Variants in SYNGR3 observed in about 807,000 individuals in gnomAD.
SYNGR3 encodes the protein synaptogyrin-3.
Under a neutral mutation model 18.5 loss-of-function variants are expected in SYNGR3, and 10 were observed. The ratio of observed to expected loss-of-function variants is 0.54; its 90% confidence interval spans 0.33 to 0.92. SYNGR3 has a LOEUF of 0.92. Among genes scored for constraint, SYNGR3 ranks in the 40% least tolerant of loss-of-function variants. The pLI is 0.02. For missense variants in SYNGR3, 335 were observed against 332.8 expected (o/e 1.01, Z -0.05); for synonymous variants, 188 against 157.2 (o/e 1.20, Z -1.47).
Position 1,992,948 on chromosome 16 carries a change from C to G in SYNGR3, c.566C>G (p.Ala189Gly). The change falls in exon 4 of 4, where the codon GCG (alanine) becomes GGG (glycine). Residue 189 changes from alanine (A) to glycine (G), a missense_variant. Ala to Gly is a moderately conservative substitution (Grantham distance 60). Coordinates refer to ENST00000248121, the MANE Select transcript of SYNGR3 (RefSeq NM_004209.6). ...LFATEQLSTG[A>G]SQAYPGYPVG... Reference sequence around the variant, plus strand: ...GCCACCGAACAGCTGAGCACCGGGGCGAGCCAGGCCTACCCCGGCTATCCG... The same window carrying G: ...GCCACCGAACAGCTGAGCACCGGGGGGAGCCAGGCCTACCCCGGCTATCCG... 1 of 1,611,444 alleles carries G rather than the reference C, an allele frequency of 6.2e-7. No individual in the cohort carries two copies. The highest frequency in any genetic ancestry group is 1.1e-5 in the South Asian group (1 of 90,930).
chr16:1,991,192 G>T (rs1334168748), intron 1 of SYNGR3: 1 of 152,358 alleles, frequency 6.6e-6, no homozygotes, highest in Non-Finnish European at 1.5e-5. Flanking sequence ...TGGGCAGGAG[G>T]CATTGAGGTT....
At chr16:1,992,341 G>A (rs1202918935) in intron 2 of SYNGR3, 130 bp downstream of exon 2, 6 of 732,804 alleles carry the variant, frequency 8.2e-6, no homozygotes, top group Non-Finnish European at 1.2e-5. Flanking sequence ...GACTGAGGCA[G>A]GGAGTGTCAA....
chr16:1,993,073 C>T lies in SYNGR3; in HGVS notation c.*1C>T, dbSNP rs1161742707. 7.5e-6 allele frequency: 12 copies of T among 1,607,262 alleles called. No individual in the cohort carries two copies. The highest frequency in any genetic ancestry group is 1.0e-5 in the Non-Finnish European group (12 of 1,177,726). On this transcript the variant is annotated 3_prime_UTR_variant, in exon 4 of 4. Transcript: ENST00000248121. ...AGGGTACCAGGTGCCCGCCTACTAG[C>T]GGCTGGCAGGCACAGACCAGGGCTC... is the stretch of plus-strand genomic sequence containing the variant.
Position 1,993,300 on chromosome 16 carries a change from T to G in SYNGR3, c.*228T>G. ...CAGGACTGAGGTCCTGAGAAGGGGA[T>G]AGCACTGCCCAGGACGTGTGTCCCT... On this transcript the variant is annotated 3_prime_UTR_variant, in exon 4 of 4. Transcript: ENST00000248121. The G allele has an allele frequency of 1.6e-6, 1 of 637,962 alleles. No homozygotes were observed. The highest frequency in any genetic ancestry group is 2.8e-6 in the Non-Finnish European group (1 of 356,244). The allele number at this position is 637,962 out of a possible 1,614,324, so 39.5% of individuals were successfully genotyped here.
rs1211814179 is a variant in SYNGR3, at chr16:1,992,001, A to G, written c.127A>G (p.Ile43Val). 8 of 1,594,328 alleles carry G rather than the reference A, an allele frequency of 5.0e-6. No individual in the cohort carries two copies. Among genetic ancestry groups the G allele is most frequent in the Admixed American group, 1.7e-5 (1 of 58,318 alleles). The change falls in exon 2 of 4, where the codon ATC becomes GTC. Residue 43 changes from isoleucine (I) to valine (V), a missense_variant. Physicochemically the swap from Ile to Val is conservative, Grantham distance 29. Transcript: ENST00000248121. ...GTTCTCCATCGCCGTCTTCGGGCCC[A>G]TCGTCAACGAGGGCTACGTGAACAC... Reference protein sequence around the residue: ...WVFSIAVFGPIVNEGYVNTDS... With the variant: ...WVFSIAVFGPVVNEGYVNTDS...
At position 1,992,043 on chromosome 16, in the gene SYNGR3, C is replaced by G. The variant is rs1307564737; in HGVS notation, c.169C>G (p.Leu57Val). ...CGTGAACACCGACAGCGGCCCCGAG[C>G]TGCGCTGCGTGTTCAACGGGAACGC... is the stretch of plus-strand genomic sequence containing the variant. ...GYVNTDSGPE[L>V]RCVFNGNAGA... is the part of the protein sequence containing the mutation. The change falls in exon 2 of 4, where the codon CTG becomes GTG. Residue 57 changes from leucine to valine, a missense_variant. Leu to Val is a conservative substitution (Grantham distance 32). Transcript: ENST00000248121. 23 of 1,579,416 alleles carry G rather than the reference C, an allele frequency of 1.5e-5. No homozygotes were observed. Among genetic ancestry groups the G allele is most frequent in the Non-Finnish European group, 1.9e-5 (22 of 1,164,786 alleles).
In SYNGR3 at chr16:1,990,414, C is replaced by T. The variant is rs2083596719; in HGVS notation, c.99+213C>T. 1.3e-5 allele frequency: 6 copies of T among 450,168 alleles called. No individual in the cohort carries two copies. In the Admixed American group the frequency reaches 2.5e-4, roughly 19 times the overall value. 27.9% of individuals were successfully genotyped at this position (450,168 alleles called of 1,614,324 possible). A position where few individuals can be genotyped will look rare whatever the true frequency, so the allele number is the denominator to read the frequency against. On this transcript the variant is annotated intron_variant, in intron 1 of 3. Transcript: ENST00000248121. The stretch of plus-strand genomic sequence containing the variant: ...CTGCGGGCGGAGGAGGGGCCGGCGG[C>T]GCCGGAGAGGGACCTTGAGAGGTCA...
chr16:1,992,399 G>A (rs538632858), intron 2 of SYNGR3, 188 bp downstream of exon 2: 168 of 709,768 alleles, frequency 2.4e-4, no homozygotes, highest in African/African-American at 1.6e-3. Context: ...GACGGGGAGC[G>A]CCGCGGGACT....
chr16:1,993,449 C>T lies in SYNGR3; in HGVS notation c.*377C>T, dbSNP rs1234913491. 3.9e-6 allele frequency: 2 copies of T among 509,802 alleles called. No individual in the cohort carries two copies. The highest frequency in any genetic ancestry group is 3.1e-5 in the South Asian group (2 of 65,040). 31.6% of individuals were successfully genotyped at this position (509,802 alleles called of 1,614,324 possible). A position where few individuals can be genotyped will look rare whatever the true frequency, so the allele number is the denominator to read the frequency against. ...GGGGCTGCCCAGGACAAAGCGGGGG[C>T]AGGGGAAAGACACCACCCTCGCCCC... On this transcript the variant is annotated 3_prime_UTR_variant, in exon 4 of 4. Transcript: ENST00000248121.
In SYNGR3 at chr16:1,994,033, A is replaced by G. The variant is rs993748520; in HGVS notation, c.*961A>G. ...AAAGCTGGCTTTTCACATTAAGTCA[A>G]CACCAAACGTGGTTGCCACATTTCA... On this transcript the variant is annotated 3_prime_UTR_variant, in exon 4 of 4. Transcript: ENST00000248121. 3 of 164,770 alleles carry G rather than the reference A, an allele frequency of 1.8e-5. No homozygotes were observed. Among genetic ancestry groups the G allele is most frequent in the South Asian group, 3.0e-4 (2 of 6,568 alleles). 10.2% of individuals were successfully genotyped at this position (164,770 alleles called of 1,614,324 possible). A position where few individuals can be genotyped will look rare whatever the true frequency, so the allele number is the denominator to read the frequency against.
rs1452386137 is a variant in SYNGR3 at position 1,992,969 on chromosome 16, A to G, written c.587A>G (p.Tyr196Cys). The G allele has an allele frequency of 3.7e-6, 6 of 1,611,800 alleles. No homozygotes were observed. Among genetic ancestry groups the G allele is most frequent in the Non-Finnish European group, 5.1e-6 (6 of 1,179,716 alleles). Residue 196 changes from tyrosine to cysteine, a missense_variant, in exon 4 of 4, where the codon TAT becomes TGT. Physicochemically the swap from Tyr to Cys is radical, Grantham distance 194. Coordinates refer to ENST00000248121, the MANE Select transcript of SYNGR3 (RefSeq NM_004209.6). ...GGGGCGAGCCAGGCCTACCCCGGCT[A>G]TCCGGTGGGCAGCGGCGTGGAGGGC... ...STGASQAYPG[Y>C]PVGSGVEGTE...
Position 1,993,726 on chromosome 16 carries a change from GCACAAGGTAGCTGTGGGCCAAGA to G in SYNGR3, c.*658_*680del, listed in dbSNP as rs1338232039. On this transcript the variant is annotated 3_prime_UTR_variant, in exon 4 of 4. Transcript: ENST00000248121. The stretch of plus-strand genomic sequence containing the variant: ...GGTGTGGGTGGTTCTGGCCAGGAAG[GCACAAGGTAGCTGTGGGCCAAGA>G]CACCAGCCCTGTCCTAGCCCTTCAG... The G allele has an allele frequency of 7.5e-6, 3 of 398,384 alleles. No homozygotes were observed. Among genetic ancestry groups the G allele is most frequent in the African/African-American group, 2.1e-5 (1 of 48,772 alleles). 24.7% of individuals were successfully genotyped at this position (398,384 alleles called of 1,614,324 possible). A position where few individuals can be genotyped will look rare whatever the true frequency, so the allele number is the denominator to read the frequency against.
In SYNGR3 at chr16:1,992,689, C is replaced by T. The variant is rs913051663; in HGVS notation, c.391C>T (p.Gln131Ter). The change falls in exon 3 of 4, where the codon CAG (glutamine) becomes TAG (stop). Residue 131 changes from glutamine to a stop codon, truncating the protein, a stop_gained. Coordinates refer to ENST00000248121, the MANE Select transcript of SYNGR3 (RefSeq NM_004209.6). LOFTEE classifies it high-confidence loss of function. ...VGFCFLTNQW[Q>*]RTAPGPATTQ... ...CTTCTGCTTCCTCACCAATCAGTGG[C>T]AGCGCACGGCGCCAGGGCCGGCCAC... 1 of 1,605,160 alleles carries T rather than the reference C, an allele frequency of 6.2e-7. No individual in the cohort carries two copies.
At chr16:1,992,613 C>G (rs765816064) in intron 2 of SYNGR3, 23 bp from the exon 3 acceptor site, 2 of 1,584,290 alleles carry the variant, frequency 1.3e-6, no homozygotes, top group South Asian at 1.1e-5. Context: ...GAGCGTCGCC[C>G]TGACGCGCCG....
At chr16:1,991,864 A>C (rs1322779654) in intron 1 of SYNGR3, 110 bp from the exon 2 acceptor site, 3 of 911,994 alleles carry the variant, frequency 3.3e-6, no homozygotes, top group Non-Finnish European at 4.8e-6. Context: ...ACCGCCCCCC[A>C]CCCAGATACG....
At position 1,992,981 on chromosome 16, in the gene SYNGR3, G is replaced by C; in HGVS notation, c.599G>C (p.Ser200Thr). 1.2e-6 allele frequency: 2 copies of C among 1,611,996 alleles called. No homozygotes were observed. Among genetic ancestry groups the C allele is most frequent in the South Asian group, 1.1e-5 (1 of 91,006 alleles). Reference sequence around the variant, plus strand: ...GCCTACCCCGGCTATCCGGTGGGCAGCGGCGTGGAGGGCACCGAGACCTAC... The same window carrying C: ...GCCTACCCCGGCTATCCGGTGGGCACCGGCGTGGAGGGCACCGAGACCTAC... ...SQAYPGYPVG[S>T]GVEGTETYQS... Residue 200 changes from serine to threonine, a missense_variant, in exon 4 of 4, where the codon AGC becomes ACC. Transcript: ENST00000248121.
chr16:1,990,272 GC>G (rs2083595490), intron 1 of SYNGR3, 71 bp downstream of exon 1: 1 of 528,162 alleles, frequency 1.9e-6, no homozygotes, highest in African/African-American at 6.9e-5. Context: ...CCAGCCCCCT[GC>G]CCCCTACCCC....
chr16:1,990,491 T>G, intron 1 of SYNGR3: 1 of 535,386 alleles, frequency 1.9e-6, no homozygotes, highest in Non-Finnish European at 3.6e-6. Context: ...TTCAGTCCCT[T>G]TCCGCAGCCC....
Position 1,993,224 on chromosome 16 carries a change from C to A in SYNGR3, c.*152C>A. On this transcript the variant is annotated 3_prime_UTR_variant, in exon 4 of 4. Transcript: ENST00000248121. ...CCGGGGCCAAGAGGGGGTGGACCCGCGTGTCTGGGCTGCCCCTGCCAAGTT... is the reference window on the plus strand; with the variant it reads ...CCGGGGCCAAGAGGGGGTGGACCCGAGTGTCTGGGCTGCCCCTGCCAAGTT... 1 of 964,164 alleles carries A rather than the reference C, an allele frequency of 1.0e-6. No individual in the cohort carries two copies. The highest frequency in any genetic ancestry group is 1.6e-5 in the South Asian group (1 of 60,856). The allele number at this position is 964,164 out of a possible 1,614,324, so 59.7% of individuals were successfully genotyped here.
Sources: gnomAD v4.1 joint callset for allele counts on GRCh38, gnomAD v4.1.1 for gene constraint, MANE v1.5 for transcripts, NCBI Gene and HGNC (gene_info 2026-07-23, HGNC 2026-07-21) for gene names.